CCDC60: variants seen among roughly 807,000 people sequenced by gnomAD.
CCDC60 encodes the protein coiled-coil domain-containing protein 60.
CCDC60 carries 54 observed loss-of-function variants against 63.5 expected under a neutral mutation model. The observed-to-expected ratio is 0.85, with a 90% CI of 0.68 to 1.07. The LOEUF (loss-of-function observed/expected upper bound fraction) is 1.07, where lower values mean the gene tolerates loss of function less well. CCDC60 is among the 50% of genes least tolerant of loss of function. The pLI, the probability that CCDC60 is intolerant of heterozygous loss-of-function variation, is 0.00. For missense variants in CCDC60, 651 were observed against 684.3 expected, an observed-to-expected ratio of 0.95 and a Z score of 0.54; for synonymous variants, 206 against 238.8, an observed-to-expected ratio of 0.86 and a Z score of 1.27.
intron 12 of CCDC60, among the ~76,000 whole-genome samples, chr12:119,530,245 A>G (rs571001477): frequency 1.8e-4 from 27 of 150,758 alleles, no homozygotes; most frequent in African/African-American, 6.6e-4. Context: ...CAATGGGCAC[A>G]TATATAGCAA....
intron 2 of CCDC60, among the ~76,000 whole-genome samples, chr12:119,468,392 C>T (rs752852022): frequency 7.2e-5 from 11 of 152,120 alleles, no homozygotes; most frequent in Non-Finnish European, 1.6e-4. Flanking sequence ...TTTGCTTTTG[C>T]ACAATTTTAT....
chr12:119,481,522 T>C (rs1225341632), intron 4 of CCDC60, among the ~76,000 whole-genome samples: 1 of 152,154 alleles, frequency 6.6e-6, no homozygotes, highest in Non-Finnish European at 1.5e-5. Flanking sequence ...TTCTTACCCA[T>C]CTTCTGTCAA....
intron 5 of CCDC60, among the ~76,000 whole-genome samples, chr12:119,495,788 C>T (rs1181214657): frequency 6.6e-6 from 1 of 152,182 alleles, no homozygotes; most frequent in Non-Finnish European, 1.5e-5. Context: ...AACACCCCAG[C>T]TCTCAGGAGC....
intron 1 of CCDC60, among the ~76,000 whole-genome samples, chr12:119,372,429 C>G (rs998719814): frequency 6.6e-6 from 1 of 152,214 alleles, no homozygotes; most frequent in Non-Finnish European, 1.5e-5. Context: ...AGGTTTAGAG[C>G]TGATGTATAG....
chr12:119,418,908 C>T (rs1270799438), intron 1 of CCDC60, among the ~76,000 whole-genome samples: 2 of 152,222 alleles, frequency 1.3e-5, no homozygotes, highest in Admixed American at 1.3e-4. Context: ...AGGTGTATCC[C>T]TTGGACTTCT....
intron 7 of CCDC60, among the ~76,000 whole-genome samples, chr12:119,510,264 T>TCTTGCTAGTTCACACCTTAGGTGGGG (rs1952178257): frequency 6.6e-6 from 1 of 152,236 alleles, no homozygotes; most frequent in Non-Finnish European, 1.5e-5. Context: ...CCAGGTCAGC[T>TCTTGCTAGTTCACACCTTAGGTGGGG]CTTGCTAGTT....
intron 7 of CCDC60, among the ~76,000 whole-genome samples, chr12:119,507,608 A>ATTTT (rs1483859938): frequency 3.6e-5 from 1 of 27,568 alleles, no homozygotes; most frequent in African/African-American, 1.7e-4. Context: ...ATATATATAT[A>ATTTT]TATATATTTT....
At chr12:119,513,533 A>G (rs1952269434) in intron 7 of CCDC60, among the ~76,000 whole-genome samples, 1 of 152,152 alleles carries the variant, frequency 6.6e-6, no homozygotes, top group Non-Finnish European at 1.5e-5. Flanking sequence ...TTTTCCCTAT[A>G]TATCTCTCTT....
intron 1 of CCDC60, among the ~76,000 whole-genome samples, chr12:119,424,552 C>A (rs762413329): frequency 6.6e-6 from 1 of 152,172 alleles, no homozygotes; most frequent in African/African-American, 2.4e-5. Context: ...ATTTCTAAAG[C>A]TTGTCACACA....
intron 1 of CCDC60, among the ~76,000 whole-genome samples, chr12:119,398,657 C>T (rs1035036859): frequency 6.6e-6 from 1 of 152,262 alleles, no homozygotes; most frequent in Non-Finnish European, 1.5e-5. Flanking sequence ...AAATTGCTCA[C>T]TTTTCCTTTT....
chr12:119,491,392 G>A (rs1024913449), intron 5 of CCDC60, among the ~76,000 whole-genome samples: 11 of 152,078 alleles, frequency 7.2e-5, no homozygotes, highest in Non-Finnish European at 1.5e-4. Flanking sequence ...ACAATGGCGC[G>A]ATCTCGGCTC....
intron 1 of CCDC60, among the ~76,000 whole-genome samples, chr12:119,338,921 T>G (rs1441088570): frequency 6.6e-6 from 1 of 152,236 alleles, no homozygotes; most frequent in East Asian, 1.9e-4. Flanking sequence ...GCCATTTTCC[T>G]TTCTCACAGG....
chr12:119,360,366 CGGGGCGGCTGGCCGGGCGGGGGGCTG>C (rs1955769239), intron 1 of CCDC60, among the ~76,000 whole-genome samples: 2 of 86,786 alleles, frequency 2.3e-5, no homozygotes, highest in Non-Finnish European at 4.3e-5. Context: ...CCCTCCCGGA[CGGGGCGGCTGGCCGGGCGGGGGGCTG>C]ACCCCCCCAC....
chr12:119,527,346 G>A (rs1256920858), intron 11 of CCDC60, among the ~76,000 whole-genome samples: 1 of 152,160 alleles, frequency 6.6e-6, no homozygotes, highest in Non-Finnish European at 1.5e-5. Flanking sequence ...GTAGTAATAT[G>A]TACAACAAAC....
At chr12:119,506,438 C>CAAA (rs35584778) in intron 7 of CCDC60, among the ~76,000 whole-genome samples, 2 of 87,386 alleles carry the variant, frequency 2.3e-5, no homozygotes, top group African/African-American at 4.3e-5. Context: ...CCTCATCTCT[C>CAAA]AAAAAAAAAA....
intron 1 of CCDC60, among the ~76,000 whole-genome samples, chr12:119,418,129 C>T (rs1355221812): frequency 6.6e-6 from 1 of 151,514 alleles, no homozygotes; most frequent in African/African-American, 2.4e-5. Context: ...AACATGTTTC[C>T]ATATTTTTCA....
intron 7 of CCDC60, among the ~76,000 whole-genome samples, chr12:119,515,456 G>C (rs1952329927): frequency 6.6e-6 from 1 of 151,954 alleles, no homozygotes; most frequent in African/African-American, 2.4e-5. Context: ...GAGTAGCTGG[G>C]AATACAAGTT....
rs984537424 is a variant in CCDC60, at chr12:119,468,190, GC to G, written c.171-3803del. 7.7e-4 allele frequency among the ~76,000 whole-genome samples: 118 copies of G among 152,306 alleles called. 1 individual carries two copies. The highest frequency in any genetic ancestry group is 2.7e-3 in the African/African-American group (111 of 41,564). Reference sequence around the variant, plus strand: ...GCCTGTAATCCCAGCTACGCAGGAGGCTGAGGCAGGAGAATTGCTTGAACCC... The same window carrying G: ...GCCTGTAATCCCAGCTACGCAGGAGGTGAGGCAGGAGAATTGCTTGAACCC... On this transcript the variant is annotated intron_variant, in intron 2 of 13. Transcript: ENST00000327554.
intron 13 of CCDC60, among the ~76,000 whole-genome samples, chr12:119,533,873 T>C (rs967845489): frequency 3.9e-5 from 6 of 152,342 alleles, no homozygotes; most frequent in African/African-American, 7.2e-5. Flanking sequence ...GCTTTGTTCT[T>C]TTTGCTTAGG....
Sources: allele counts gnomAD v4.1 joint callset (sites outside exome capture counted in the v4.1 genomes callset), GRCh38; gene constraint gnomAD v4.1.1; transcripts MANE v1.5; gene names NCBI Gene and HGNC (gene_info 2026-07-23, HGNC 2026-07-21).